RBM12B: variants seen among roughly 807,000 people sequenced by gnomAD.
The protein encoded by RBM12B is RNA-binding protein 12B.
Under a neutral mutation model 34.3 loss-of-function variants are expected in RBM12B, and 10 were observed. The ratio of observed to expected loss-of-function variants is 0.29; its 90% CI spans 0.18 to 0.49. RBM12B has a LOEUF of 0.49. Ranked by LOEUF, RBM12B falls within the 20% of genes least tolerant of loss-of-function variation. RBM12B has a pLI of 0.99. For synonymous variants in RBM12B, 477 were observed against 437.1 expected (o/e 1.09, Z -1.14); for missense variants, 1,139 against 1,262.7 (o/e 0.90, Z 1.48).
chr8:93,739,014 GAAA>G (rs1047289790), intron 2 of RBM12B: 2 of 151,810 alleles, frequency 1.3e-5, no homozygotes, highest in Non-Finnish European at 2.9e-5. Flanking sequence ...AACAAAAAAA[GAAA>G]AAAAGCCTAT....
rs1429465092 is a variant in RBM12B, at chr8:93,730,723, G to C, written c.*2682C>G. On this transcript the variant is annotated 3_prime_UTR_variant, in exon 4 of 4. Coordinates refer to ENST00000520560, the MANE Select transcript of RBM12B (RefSeq NM_001377960.1). The stretch of plus-strand genomic sequence containing the variant: ...TGTTATTGACATATCACTAAAGGCA[G>C]AGTTGGAGAGAGATGTGCAAAGATG... 6.6e-6 allele frequency: 1 copy of C among 152,210 alleles called. No individual in the cohort carries two copies. The highest frequency in any genetic ancestry group is 2.4e-5 in the African/African-American group (1 of 41,510). 9.4% of individuals were successfully genotyped at this position (152,210 alleles called of 1,614,324 possible). A position where few individuals can be genotyped will look rare whatever the true frequency, so the allele number is the denominator to read the frequency against.
At position 93,733,007 on chromosome 8, in the gene RBM12B, C is replaced by CT. The variant is rs1174564391; in HGVS notation, c.*397dup. 6 of 152,954 alleles carry CT rather than the reference C, an allele frequency of 3.9e-5. No individual in the cohort carries two copies. The highest frequency in any genetic ancestry group is 1.4e-4 in the African/African-American group (6 of 41,448). 9.5% of individuals were successfully genotyped at this position (152,954 alleles called of 1,614,324 possible). The stretch of plus-strand genomic sequence containing the variant: ...AATGCCAAACCTGAACAATCAGTCA[C>CT]TATTTCCTTATACAGTTTGAGTAAA... On this transcript the variant is annotated 3_prime_UTR_variant, in exon 4 of 4. Coordinates refer to ENST00000520560, the MANE Select transcript of RBM12B (RefSeq NM_001377960.1).
rs751130769 is a variant in RBM12B at position 93,735,301 on chromosome 8, A to G, written c.1110T>C (p.Tyr370=). 1.2e-6 allele frequency: 2 copies of G among 1,614,022 alleles called. No homozygotes were observed. The highest frequency in any genetic ancestry group is 1.7e-6 in the Non-Finnish European group (2 of 1,180,012). Reference sequence around the variant, plus strand: ...CTAGTGACCCTGATCTCTTCTTTTCATAACGTGCAATGAACTTCAGCATTT... The same window carrying G: ...CTAGTGACCCTGATCTCTTCTTTTCGTAACGTGCAATGAACTTCAGCATTT... ...RKQMLKFIAR[Y]EKKRSGSLER... is the part of the protein sequence containing the mutation. The change falls in exon 4 of 4, where the codon TAT becomes TAC. Residue 370 remains tyrosine (Y), a synonymous_variant. Transcript: ENST00000520560.
At position 93,734,476 on chromosome 8, in the gene RBM12B, C is replaced by G. The variant is rs747306882; in HGVS notation, c.1935G>C (p.Gln645His). 1 of 1,605,972 alleles carries G rather than the reference C, an allele frequency of 6.2e-7. No individual in the cohort carries two copies. Among genetic ancestry groups the G allele is most frequent in the South Asian group, 1.1e-5 (1 of 90,378 alleles). The change falls in exon 4 of 4, where the codon CAG becomes CAC. Residue 645 changes from glutamine (Q) to histidine (H), a missense_variant. Physicochemically the swap from Gln to His is conservative, Grantham distance 24. Transcript: ENST00000520560. ...FRRSPTEDFR[Q>H]LPEEDFRQPP... ...GTTGCCTGAAGTCCTCCTCGGGGAG[C>G]TGCCTGAAGTCCTCCGTGGGAGACC...
Position 93,735,363 on chromosome 8 carries a change from A to G in RBM12B, c.1048T>C (p.Tyr350His). Residue 350 changes from tyrosine (Y) to histidine (H), a missense_variant, in exon 4 of 4, where the codon TAT (tyrosine) becomes CAT (histidine). By Grantham distance (83) the Tyr-to-His change is moderately conservative. Around this residue, in one of 3 missense-constraint regions of RBM12B, gnomAD observed 863 missense variants for 869.5 expected, o/e 0.99. Coordinates refer to ENST00000520560, the MANE Select transcript of RBM12B (RefSeq NM_001377960.1). ...ATTGGATCAATATGAACTGGACGAT[A>G]TTGTAAAACAGTCTTATGTAAACTC... is the stretch of plus-strand genomic sequence containing the variant. ...ALSLHKTVLQYRPVHIDPISR... is the reference protein window; with the variant it reads ...ALSLHKTVLQHRPVHIDPISR... 6.2e-7 allele frequency: 1 copy of G among 1,613,914 alleles called. No individual in the cohort carries two copies. The highest frequency in any genetic ancestry group is 8.5e-7 in the Non-Finnish European group (1 of 1,179,948).
Position 93,734,090 on chromosome 8 carries a change from G to A in RBM12B, c.2321C>T (p.Pro774Leu), listed in dbSNP as rs770843253. Residue 774 changes from proline (P) to leucine (L), a missense_variant, in exon 4 of 4, where the codon CCG (proline) becomes CTG (leucine). This residue lies in a region of RBM12B where 863 missense variants were observed against 869.5 expected (regional missense o/e 0.99). Coordinates refer to ENST00000520560, the MANE Select transcript of RBM12B (RefSeq NM_001377960.1). ...CGGTCTCCGGAAGTGCTCCGGGGGCGGGCGCCTGAAATGCTCTGGGGGTGG... is the reference window on the plus strand; with the variant it reads ...CGGTCTCCGGAAGTGCTCCGGGGGCAGGCGCCTGAAATGCTCTGGGGGTGG... ...RRPPPEHFRR[P>L]PPEHFRRPPQ... 1.7e-5 allele frequency: 27 copies of A among 1,562,636 alleles called. No individual in the cohort carries two copies. The Admixed American group carries it at 1.8e-4, about 10-fold the overall frequency.
rs774655508 is a variant in RBM12B at position 93,728,734 on chromosome 8, A to C, written c.*4671T>G. On this transcript the variant is annotated 3_prime_UTR_variant, in exon 4 of 4. Coordinates refer to ENST00000520560, the MANE Select transcript of RBM12B (RefSeq NM_001377960.1). ...ATTCCATGAAGCCTTAAGAAAAAAA[A>C]CTTTTTTTAACTTTCCCTGAAACTT... The C allele has an allele frequency of 6.6e-6, 1 of 152,034 alleles. No individual in the cohort carries two copies. Among genetic ancestry groups the C allele is most frequent in the Non-Finnish European group, 1.5e-5 (1 of 67,990 alleles). The allele number at this position is 152,034 out of a possible 1,614,324, so 9.4% of individuals were successfully genotyped here. A position where few individuals can be genotyped will look rare whatever the true frequency, so the allele number is the denominator to read the frequency against.
intron 2 of RBM12B, among the ~76,000 whole-genome samples, chr8:93,738,584 T>G (rs1448859857): frequency 6.6e-6 from 1 of 152,120 alleles, no homozygotes; most frequent in African/African-American, 2.4e-5. Context: ...CACCTCAGCC[T>G]CCCCAGTAGC....
rs1019829836 is a variant in RBM12B, at chr8:93,733,301, A to G, written c.*104T>C. 7.9e-6 allele frequency: 7 copies of G among 884,290 alleles called. No homozygotes were observed. The highest frequency in any genetic ancestry group is 3.9e-4 in the Middle Eastern group (1 of 2,576). The allele number at this position is 884,290 out of a possible 1,614,324, so 54.8% of individuals were successfully genotyped here. A position where few individuals can be genotyped will look rare whatever the true frequency, so the allele number is the denominator to read the frequency against. On this transcript the variant is annotated 3_prime_UTR_variant, in exon 4 of 4. Coordinates refer to ENST00000520560, the MANE Select transcript of RBM12B (RefSeq NM_001377960.1). ...GTTCTATTCACAGGTCAAAAATAAA[A>G]TATTTCATTAGATAATTTAAAAAAA...
chr8:93,734,398 A>G lies in RBM12B; in HGVS notation c.2013T>C (p.Pro671=). The G allele has an allele frequency of 6.2e-7, 1 of 1,604,958 alleles. No homozygotes were observed. Among genetic ancestry groups the G allele is most frequent in the Non-Finnish European group, 8.5e-7 (1 of 1,177,062 alleles). ...WLPEEDFRRP[P]EEDWRRPPEE... The stretch of plus-strand genomic sequence containing the variant: ...CTGGGGGCCGTCTCCAGTCCTCCTC[A>G]GGTGGCCGCCTGAAATCTTCCTCTG... The change falls in exon 4 of 4, where the codon CCT becomes CCC. Residue 671 remains proline, a synonymous_variant. Coordinates refer to ENST00000520560, the MANE Select transcript of RBM12B (RefSeq NM_001377960.1).
chr8:93,735,574 A>T lies in RBM12B; in HGVS notation c.837T>A (p.Arg279=), dbSNP rs936257000. ...AGTGAACATAAAATCCAAGAGGGGA[A>T]CGAGAACGTGTTCTTCTGGGAGATT... ...HSKSPRRTRS[R]SPLGFYVHLK... Residue 279 remains arginine (R), a synonymous_variant, in exon 4 of 4, where the codon CGT becomes CGA. Transcript: ENST00000520560. 7.4e-6 allele frequency: 12 copies of T among 1,614,060 alleles called. No homozygotes were observed. Among genetic ancestry groups the T allele is most frequent in the Non-Finnish European group, 1.0e-5 (12 of 1,180,040 alleles).
intron 2 of RBM12B, among the ~76,000 whole-genome samples, chr8:93,737,725 G>A (rs943500791): frequency 1.1e-4 from 16 of 150,802 alleles, no homozygotes; most frequent in East Asian, 1.9e-4. Flanking sequence ...TCTATCCTTA[G>A]GGTCTATACA....
chr8:93,728,280 G>A lies in RBM12B; in HGVS notation c.*5125C>T, dbSNP rs535494164. The A allele has an allele frequency of 6.3e-7, 1 of 1,582,160 alleles. No individual in the cohort carries two copies. The highest frequency in any genetic ancestry group is 1.2e-5 in the South Asian group (1 of 84,946). On this transcript the variant is annotated 3_prime_UTR_variant, in exon 4 of 4. Transcript: ENST00000520560. The stretch of plus-strand genomic sequence containing the variant: ...TGACGAGTTAGATGTTACAGAAGAA[G>A]AAAATTTTCTTAAGTAAACTACACA...
intron 2 of RBM12B, chr8:93,740,088 C>T (rs549955415): frequency 7.6e-5 from 27 of 353,276 alleles, no homozygotes; most frequent in South Asian, 3.9e-4. Context: ...AGCATATTCA[C>T]ACTCTAAACG....
Position 93,736,127 on chromosome 8 carries a change from C to T in RBM12B, c.284G>A (p.Arg95His), listed in dbSNP as rs569412856. 3.1e-5 allele frequency: 50 copies of T among 1,614,202 alleles called. No individual in the cohort carries two copies. The highest frequency in any genetic ancestry group is 8.8e-5 in the South Asian group (8 of 91,076). The change falls in exon 4 of 4, where the codon CGT becomes CAT. Residue 95 changes from arginine to histidine, a missense_variant. Transcript: ENST00000520560. ...MKRTDRVGRG[R>H]PGSGTSGVDS... ...AACCCCTGATGTCCCAGATCCTGGA[C>T]GCCCTCTTCCTACACGATCAGTTCT... is the stretch of plus-strand genomic sequence containing the variant.
rs1487423161 is a variant in RBM12B at position 93,734,161 on chromosome 8, A to T, written c.2250T>A (p.Pro750=). ...RRPPPEHFRR[P]PPEHFRRPPP... ...GTGGCCGCCGGAAGTGCTCTGGGGG[A>T]GGCCGCCTAAAATGCTCTGGAGGTG... The change falls in exon 4 of 4, where the codon CCT becomes CCA. Residue 750 remains proline (P), a synonymous_variant. Coordinates refer to ENST00000520560, the MANE Select transcript of RBM12B (RefSeq NM_001377960.1). 8 of 1,559,234 alleles carry T rather than the reference A, an allele frequency of 5.1e-6. No individual in the cohort carries two copies. Among genetic ancestry groups the T allele is most frequent in the East Asian group, 4.5e-5 (2 of 44,052 alleles).
At position 93,734,131 on chromosome 8, in the gene RBM12B, TGGG is replaced by T; in HGVS notation, c.2277_2279del (p.Pro760del). On this transcript the variant is annotated inframe_deletion, in exon 4 of 4. Coordinates refer to ENST00000520560, the MANE Select transcript of RBM12B (RefSeq NM_001377960.1). Reference sequence around the variant, plus strand: ...CTGGGGGTGGCCGCCTGAAGTGCTCTGGGGGTGGCCGCCGGAAGTGCTCTGGGG... The same window carrying T: ...CTGGGGGTGGCCGCCTGAAGTGCTCTGGTGGCCGCCGGAAGTGCTCTGGGG... 1.9e-6 allele frequency: 3 copies of T among 1,555,644 alleles called. No individual in the cohort carries two copies. Among genetic ancestry groups the T allele is most frequent in the Non-Finnish European group, 2.6e-6 (3 of 1,153,822 alleles).
Position 93,735,378 on chromosome 8 carries a change from T to C in RBM12B, c.1033A>G (p.Lys345Glu), listed in dbSNP as rs1811983324. The change falls in exon 4 of 4, where the codon AAG becomes GAG. Residue 345 changes from lysine to glutamate, a missense_variant. Physicochemically the swap from Lys to Glu is moderately conservative, Grantham distance 56. This residue lies in a region of RBM12B where 863 missense variants were observed against 869.5 expected (regional missense o/e 0.99). Coordinates refer to ENST00000520560, the MANE Select transcript of RBM12B (RefSeq NM_001377960.1). Reference sequence around the variant, plus strand: ...ACTGGACGATATTGTAAAACAGTCTTATGTAAACTCAGAGCGGTATTATAG... The same window carrying C: ...ACTGGACGATATTGTAAAACAGTCTCATGTAAACTCAGAGCGGTATTATAG... ...KDYNTALSLHKTVLQYRPVHI... is the reference protein window; with the variant it reads ...KDYNTALSLHETVLQYRPVHI... The C allele has an allele frequency of 1.2e-6, 2 of 1,613,776 alleles. No homozygotes were observed. Among genetic ancestry groups the C allele is most frequent in the Non-Finnish European group, 1.7e-6 (2 of 1,179,806 alleles).
Position 93,734,567 on chromosome 8 carries a change from C to G in RBM12B, c.1844G>C (p.Arg615Thr). ...RPPEDDFRHP[R>T]EEDWRRPLEE... ...AAGGGGCCTCCTCCAGTCCTCCTCC[C>G]TAGGGTGCCTGAAGTCATCCTCCGG... The change falls in exon 4 of 4, where the codon AGG becomes ACG. Residue 615 changes from arginine (R) to threonine (T), a missense_variant. Physicochemically the swap from Arg to Thr is moderately conservative, Grantham distance 71. Around this residue, in one of 3 missense-constraint regions of RBM12B, gnomAD observed 863 missense variants for 869.5 expected, o/e 0.99. Transcript: ENST00000520560. The G allele has an allele frequency of 6.2e-7, 1 of 1,611,862 alleles. No individual in the cohort carries two copies.
Sources: allele counts gnomAD v4.1 joint callset (sites outside exome capture counted in the v4.1 genomes callset), GRCh38; gene constraint gnomAD v4.1.1; regional missense constraint gnomAD v4.1.1; transcripts MANE v1.5; gene names NCBI Gene and HGNC (gene_info 2026-07-23, HGNC 2026-07-21).